The following NRXN3 variants were observed in gnomAD, a reference collection of about 807,000 sequenced individuals.
NRXN3 encodes the protein neurexin III.
A neutral mutation model predicts 137.6 loss-of-function variants in NRXN3; 32 were observed. That is an observed-to-expected ratio of 0.23 (90% CI 0.18 to 0.31). The LOEUF (loss-of-function observed/expected upper bound fraction) is 0.31, where lower values mean the gene tolerates loss of function less well. NRXN3 is among the 10% of genes least tolerant of loss of function. The pLI is 1.00. For synonymous variants in NRXN3, 798 were observed against 784.5 expected, an observed-to-expected ratio of 1.02 and a Z score of -0.29; for missense variants, 1,574 against 2,062.5, an observed-to-expected ratio of 0.76 and a Z score of 4.59.
chr14:78,971,440 A>ATATATT (rs2153012726), intron 14 of NRXN3, among the ~76,000 whole-genome samples: 1 of 149,304 alleles, frequency 6.7e-6, no homozygotes, highest in East Asian at 1.9e-4. Context: ...ATATATATAT[A>ATATATT]TACACACACA....
intron 4 of NRXN3, among the ~76,000 whole-genome samples, chr14:78,335,458 C>G (rs186853239): frequency 6.6e-6 from 1 of 152,258 alleles, no homozygotes; most frequent in Non-Finnish European, 1.5e-5. Context: ...GGCTCCCTTT[C>G]TGTCACTCTC....
chr14:78,939,593 G>C (rs1302474397), intron 10 of NRXN3, among the ~76,000 whole-genome samples: 1 of 152,200 alleles, frequency 6.6e-6, no homozygotes, highest in Non-Finnish European at 1.5e-5. Flanking sequence ...TCTGGCCATA[G>C]CTATCACTTG....
chr14:79,681,417 G>A (rs1294490546), intron 17 of NRXN3, among the ~76,000 whole-genome samples: 1 of 152,096 alleles, frequency 6.6e-6, no homozygotes, highest in African/African-American at 2.4e-5. Context: ...TTCTGGGTTG[G>A]CTTGGATGGA....
At chr14:78,988,553 T>G (rs957371625) in intron 15 of NRXN3, among the ~76,000 whole-genome samples, 11 of 152,202 alleles carry the variant, frequency 7.2e-5, no homozygotes, top group African/African-American at 2.4e-4. Context: ...TTTGAGGCTA[T>G]TTAAAGGGTA....
intron 15 of NRXN3, among the ~76,000 whole-genome samples, chr14:79,140,444 G>T (rs576291868): frequency 2.6e-5 from 4 of 152,076 alleles, no homozygotes; most frequent in Non-Finnish European, 5.9e-5. Flanking sequence ...ACCTTCCAAT[G>T]AGGTTAGAAT....
intron 19 of NRXN3, among the ~76,000 whole-genome samples, chr14:79,716,772 G>A (rs2098825033): frequency 6.6e-6 from 1 of 152,246 alleles, no homozygotes; most frequent in Admixed American, 6.5e-5. Flanking sequence ...CCCTGGCACA[G>A]CTGAGGCTTG....
intron 15 of NRXN3, among the ~76,000 whole-genome samples, chr14:79,378,901 G>T (rs975505269): frequency 6.6e-6 from 1 of 151,360 alleles, no homozygotes; most frequent in Non-Finnish European, 1.5e-5. Flanking sequence ...ACCCTGAAGA[G>T]CTAAGCTTAA....
chr14:78,872,617 A>G (rs994188104), intron 10 of NRXN3, among the ~76,000 whole-genome samples: 13 of 152,106 alleles, frequency 8.5e-5, no homozygotes, highest in Admixed American at 8.5e-4. Flanking sequence ...AATTATAGCA[A>G]TTTTCAAAAT....
chr14:78,330,855 G>T lies in NRXN3; in HGVS notation c.757+32995G>T, dbSNP rs534542604. ...TAACCTCATTAATATCTTTGCAAAC[G>T]AACTGATAGTATATACAAATTTACT... On this transcript the variant is annotated intron_variant, in intron 4 of 20. Transcript: ENST00000335750. Among the ~76,000 whole-genome samples the T allele has an allele frequency of 2.1e-3, 320 of 152,140 alleles. 1 individual carries two copies. Among genetic ancestry groups the T allele is most frequent in the Non-Finnish European group, 3.6e-3 (247 of 68,004 alleles).
chr14:78,965,871 G>A (rs31418), intron 11 of NRXN3, among the ~76,000 whole-genome samples, 154 bp from the exon 12 acceptor site: 1,766 of 152,278 alleles, frequency 0.012, 27 homozygotes, highest in African/African-American at 0.041. Flanking sequence ...GCCAAGTAAG[G>A]TATCTACCAT....
At chr14:79,460,161 A>G (rs7144465) in intron 15 of NRXN3, among the ~76,000 whole-genome samples, 4,957 of 152,212 alleles carry the variant, frequency 0.033, 133 homozygotes, top group Middle Eastern at 0.075. Flanking sequence ...GAGTTAAAGT[A>G]TATATAAGGT....
At chr14:78,428,407 GACTAA>G (rs1366640415) in intron 4 of NRXN3, among the ~76,000 whole-genome samples, 1 of 151,878 alleles carries the variant, frequency 6.6e-6, no homozygotes, top group Non-Finnish European at 1.5e-5. Flanking sequence ...CCCCAACCTA[GACTAA>G]ACTATAACCC....
At chr14:78,254,782 A>G (rs766346575) in intron 2 of NRXN3, among the ~76,000 whole-genome samples, 3 of 152,208 alleles carry the variant, frequency 2.0e-5, no homozygotes, top group Admixed American at 6.5e-5. Context: ...CCAGAGTCAG[A>G]CACACCAACA....
At chr14:78,575,233 G>A (rs1294350464) in intron 4 of NRXN3, among the ~76,000 whole-genome samples, 1 of 152,122 alleles carries the variant, frequency 6.6e-6, no homozygotes, top group African/African-American at 2.4e-5. Flanking sequence ...CTAGTCTCAG[G>A]TATTTCCTCA....
intron 4 of NRXN3, among the ~76,000 whole-genome samples, chr14:78,392,634 A>G: frequency 6.6e-6 from 1 of 152,140 alleles, no homozygotes; most frequent in East Asian, 1.9e-4. Context: ...TGTAGTGTGG[A>G]TTTAGTGAGA....
intron 4 of NRXN3, among the ~76,000 whole-genome samples, chr14:78,360,950 C>T (rs1452246670): frequency 6.6e-6 from 1 of 152,200 alleles, no homozygotes; most frequent in Non-Finnish European, 1.5e-5. Context: ...TATATGTCAT[C>T]CTCCCAACAG....
chr14:78,291,922 T>A (rs1348027050), intron 3 of NRXN3, among the ~76,000 whole-genome samples: 3 of 152,244 alleles, frequency 2.0e-5, no homozygotes, highest in Non-Finnish European at 4.4e-5. Flanking sequence ...TTTTCTTTTT[T>A]TCTCCCCTTG....
intron 15 of NRXN3, among the ~76,000 whole-genome samples, chr14:79,311,026 A>G (rs2087172002): frequency 7.9e-6 from 1 of 127,144 alleles, no homozygotes; most frequent in Admixed American, 7.9e-5. Context: ...TTCAAAGGGA[A>G]TGCTTCCAGT....
chr14:78,372,651 A>C (rs1239686072), intron 4 of NRXN3, among the ~76,000 whole-genome samples: 1 of 152,080 alleles, frequency 6.6e-6, no homozygotes, highest in African/African-American at 2.4e-5. Context: ...CTGAGTTAGA[A>C]CTTCCTGGAT....
Sources: allele counts gnomAD v4.1 joint callset (sites outside exome capture counted in the v4.1 genomes callset), GRCh38; gene constraint gnomAD v4.1.1; transcripts MANE v1.5; gene names NCBI Gene and HGNC (gene_info 2026-07-23, HGNC 2026-07-21).